The following FRMD4A variants were observed in gnomAD, a reference collection of about 807,000 sequenced individuals.
The protein encoded by FRMD4A is FERM domain containing 4A, also known as FERM domain-containing protein 4A.
FRMD4A carries 29 observed loss-of-function variants against 129.1 expected under a neutral mutation model. That is an observed-to-expected ratio of 0.22 (90% CI 0.17 to 0.31). The LOEUF (loss-of-function observed/expected upper bound fraction) is 0.31. FRMD4A is among the 10% of genes least tolerant of loss of function. The probability of loss-of-function intolerance (pLI) is 1.00; values close to 1 mark genes in which losing one functional copy is unlikely to be tolerated. For missense variants in FRMD4A, 1,272 were observed against 1,375.8 expected, an observed-to-expected ratio of 0.92 and a Z score of 1.19; for synonymous variants, 634 against 571.6, an observed-to-expected ratio of 1.11 and a Z score of -1.56.
At chr10:14,065,143 T>C (rs1834994724) in intron 2 of FRMD4A, among the ~76,000 whole-genome samples, 1 of 152,104 alleles carries the variant, frequency 6.6e-6, no homozygotes, top group Admixed American at 6.5e-5. Flanking sequence ...AGGAAACAGA[T>C]AGAGAATAGC....
At chr10:14,227,730 G>T (rs1259080237) in intron 2 of FRMD4A, among the ~76,000 whole-genome samples, 1 of 152,196 alleles carries the variant, frequency 6.6e-6, no homozygotes, top group Non-Finnish European at 1.5e-5. Context: ...GCTCTAGGAT[G>T]CATGAGATGC....
intron 2 of FRMD4A, among the ~76,000 whole-genome samples, chr10:14,096,480 G>T (rs1262590086): frequency 6.6e-6 from 1 of 152,248 alleles, no homozygotes; most frequent in East Asian, 1.9e-4. Context: ...CCCACTCGAT[G>T]TAGGGAGCTC....
chr10:14,185,418 T>TA (rs1215765706), intron 2 of FRMD4A, among the ~76,000 whole-genome samples: 2 of 152,128 alleles, frequency 1.3e-5, no homozygotes, highest in South Asian at 2.1e-4. Context: ...ACCCTAAGCG[T>TA]AAGGAGAGCT....
intron 2 of FRMD4A, among the ~76,000 whole-genome samples, chr10:13,910,887 TGAAAAAAAAAAAAAAAAA>T (rs1565021032): frequency 3.4e-5 from 2 of 59,696 alleles, no homozygotes; most frequent in Admixed American, 2.6e-4. Context: ...GGGAGTTTCA[TGAAAAAAAAAAAAAAAAA>T]AAAAAAAAAA....
intron 5 of FRMD4A, among the ~76,000 whole-genome samples, chr10:13,792,165 G>A (rs1394994528): frequency 6.6e-6 from 1 of 152,194 alleles, no homozygotes; most frequent in Non-Finnish European, 1.5e-5. Flanking sequence ...GAACCAGGCT[G>A]GCAGGCCTGG....
intron 3 of FRMD4A, among the ~76,000 whole-genome samples, chr10:13,811,487 G>A (rs539068619): frequency 6.7e-6 from 1 of 150,052 alleles, no homozygotes; most frequent in South Asian, 2.1e-4. Flanking sequence ...AAGGAGAATC[G>A]CTTGAAACTG....
intron 4 of FRMD4A, among the ~76,000 whole-genome samples, chr10:13,802,433 A>G (rs899540141): frequency 6.6e-6 from 1 of 152,114 alleles, no homozygotes; most frequent in Non-Finnish European, 1.5e-5. Flanking sequence ...CAGAAATCCA[A>G]AGCAAGAGAT....
chr10:13,655,146 G>C (rs1053327022), intron 22 of FRMD4A: 1 of 152,260 alleles, frequency 6.6e-6, no homozygotes, highest in South Asian at 2.1e-4. Context: ...GAAAGATTTA[G>C]TAGGAAGTCA....
At chr10:14,289,181 G>A (rs1845773414) in intron 2 of FRMD4A, among the ~76,000 whole-genome samples, 1 of 152,002 alleles carries the variant, frequency 6.6e-6, no homozygotes, top group Non-Finnish European at 1.5e-5. Flanking sequence ...TTAATTTTTT[G>A]AGGACTCATT....
At position 14,247,458 on chromosome 10, in the gene FRMD4A, T is replaced by C. The variant is rs1844281861; in HGVS notation, c.45+82600A>G. ...ACATTAAAATTCTTGCCATTTCCTT[T>C]TTCTGCTAAACTAGGTAGGTTAACA... On this transcript the variant is annotated intron_variant, in intron 2 of 24. Transcript: ENST00000357447. Among the ~76,000 whole-genome samples the C allele has an allele frequency of 3.9e-5, 6 of 152,330 alleles. No individual in the cohort carries two copies. In the South Asian group the frequency reaches 1.2e-3, roughly 32 times the overall value.
intron 2 of FRMD4A, among the ~76,000 whole-genome samples, chr10:14,178,145 A>G (rs1841795278): frequency 6.6e-6 from 1 of 152,242 alleles, no homozygotes; most frequent in East Asian, 1.9e-4. Flanking sequence ...AGTTCAATGA[A>G]GCCACTGCTG....
intron 2 of FRMD4A, among the ~76,000 whole-genome samples, chr10:13,873,404 C>G (rs960813710): frequency 6.6e-5 from 10 of 151,980 alleles, no homozygotes; most frequent in African/African-American, 2.2e-4. Context: ...ATGAAGAACA[C>G]AGGATGTGTG....
At chr10:13,770,227 A>G (rs2092417457) in intron 6 of FRMD4A, among the ~76,000 whole-genome samples, 1 of 152,102 alleles carries the variant, frequency 6.6e-6, no homozygotes, top group African/African-American at 2.4e-5. Flanking sequence ...GCGATCTCGC[A>G]CAATTCCTCA....
chr10:13,901,072 G>T (rs1589217395), intron 2 of FRMD4A, among the ~76,000 whole-genome samples: 1 of 152,146 alleles, frequency 6.6e-6, no homozygotes, highest in South Asian at 2.1e-4. Flanking sequence ...ACAGGGAGAG[G>T]TGTGATAAGC....
intron 2 of FRMD4A, among the ~76,000 whole-genome samples, chr10:14,178,905 T>C (rs547590894): frequency 1.3e-5 from 2 of 152,230 alleles, no homozygotes; most frequent in African/African-American, 4.8e-5. Context: ...TTGTGGTAGG[T>C]GGACTTCTCA....
chr10:13,778,598 C>CAT (rs2092658445), intron 6 of FRMD4A, among the ~76,000 whole-genome samples: 1 of 147,872 alleles, frequency 6.8e-6, no homozygotes, highest in African/African-American at 2.5e-5. Flanking sequence ...ACCATTCCAA[C>CAT]GTGTGTGTGT....
rs144607686 is a variant in FRMD4A at position 14,035,337 on chromosome 10, G to A, written c.46-176425C>T. Among the ~76,000 whole-genome samples the A allele has an allele frequency of 6.1e-4, 92 of 151,688 alleles. 2 individuals carry two copies. Among genetic ancestry groups the A allele is most frequent in the Non-Finnish European group, 1.1e-3 (78 of 67,934 alleles). On this transcript the variant is annotated intron_variant, in intron 2 of 24. Coordinates refer to ENST00000357447, the MANE Select transcript of FRMD4A (RefSeq NM_018027.5). ...TGAGGCGGGAGGACTGCATGAATCC[G>A]TGAGGCTGAGGTTGCAGTGAGCCAA...
At chr10:13,846,175 T>C (rs1163166841) in intron 3 of FRMD4A, among the ~76,000 whole-genome samples, 1 of 152,254 alleles carries the variant, frequency 6.6e-6, no homozygotes, top group African/African-American at 2.4e-5. Flanking sequence ...ATCACTAAGC[T>C]ATATAATTTC....
intron 2 of FRMD4A, among the ~76,000 whole-genome samples, chr10:14,261,810 G>A (rs993373161): frequency 2.0e-5 from 3 of 152,000 alleles, no homozygotes; most frequent in Admixed American, 6.6e-5. Context: ...TAACACTAAC[G>A]TAGAAACTGT....
Sources: allele counts gnomAD v4.1 joint callset (sites outside exome capture counted in the v4.1 genomes callset), GRCh38; gene constraint gnomAD v4.1.1; transcripts MANE v1.5; gene names NCBI Gene and HGNC (gene_info 2026-07-23, HGNC 2026-07-21).